AFAP1: variants seen among roughly 807,000 people sequenced by gnomAD.
AFAP1 encodes actin filament-associated protein 1.
Under a neutral mutation model 93.9 loss-of-function variants are expected in AFAP1, and 75 were observed. That is an observed-to-expected ratio of 0.80 (90% CI 0.66 to 0.97). AFAP1 has a LOEUF of 0.97. Among genes scored for constraint, AFAP1 ranks in the 50% least tolerant of loss-of-function variants. AFAP1 has a pLI of 0.00. For synonymous variants in AFAP1, 517 were observed against 430.7 expected (o/e 1.20, Z -2.48); for missense variants, 1,201 against 1,050.8 (o/e 1.14, Z -1.98).
chr4:7,860,064 G>T (rs569547248), intron 3 of AFAP1, among the ~76,000 whole-genome samples: 2 of 152,166 alleles, frequency 1.3e-5, no homozygotes, highest in South Asian at 4.2e-4. Flanking sequence ...GACTGCTCGA[G>T]CCCGGGAAGT....
chr4:7,860,957 G>A (rs990769932), intron 3 of AFAP1, among the ~76,000 whole-genome samples: 4 of 152,042 alleles, frequency 2.6e-5, no homozygotes, highest in African/African-American at 7.2e-5. Flanking sequence ...CTGGCACTCC[G>A]CCCTCTGTCT....
At chr4:7,936,578 G>A (rs1252554176) in intron 1 of AFAP1, among the ~76,000 whole-genome samples, 5 of 142,538 alleles carry the variant, frequency 3.5e-5, no homozygotes, top group East Asian at 2.4e-4. Context: ...TTTTACAAGC[G>A]GTAATTTTTT....
intron 1 of AFAP1, among the ~76,000 whole-genome samples, chr4:7,903,026 C>T (rs943526041): frequency 1.3e-5 from 2 of 152,232 alleles, no homozygotes; most frequent in African/African-American, 4.8e-5. Context: ...ATCTGCGCCA[C>T]CTCCCTCCAG....
At chr4:7,833,686 T>C (rs1560187579) in intron 6 of AFAP1, among the ~76,000 whole-genome samples, 1 of 151,016 alleles carries the variant, frequency 6.6e-6, no homozygotes, top group Non-Finnish European at 1.5e-5. Context: ...CCTCTCAGGT[T>C]CAAGCAATTC....
At chr4:7,787,118 T>C (rs897996485) in intron 11 of AFAP1, among the ~76,000 whole-genome samples, 4 of 152,038 alleles carry the variant, frequency 2.6e-5, no homozygotes, top group African/African-American at 7.2e-5. Flanking sequence ...ACATGAAGAG[T>C]AGGATGAGAG....
At chr4:7,877,480 T>C (rs752578759) in intron 1 of AFAP1, among the ~76,000 whole-genome samples, 3 of 152,236 alleles carry the variant, frequency 2.0e-5, no homozygotes, top group Non-Finnish European at 4.4e-5. Flanking sequence ...GCCTGTTACA[T>C]ATATGAACTC....
At chr4:7,859,647 T>A (rs1399616643) in intron 3 of AFAP1, among the ~76,000 whole-genome samples, 1 of 152,198 alleles carries the variant, frequency 6.6e-6, no homozygotes, top group East Asian at 1.9e-4. Flanking sequence ...ACTTTTAGTT[T>A]AGAAGATCTT....
rs745572497 is a variant in AFAP1, at chr4:7,809,664, G to A, written c.1004C>T (p.Pro335Leu). ...TGAGGAGGTCTGCTCGTCTGTGGAC[G>A]GCTTTTTCTTTCCCAGACTGATGAT... ...TKIISLGKKK[P>L]STDEQTSSAE... The change falls in exon 9 of 18, where the codon CCG becomes CTG. Residue 335 changes from proline to leucine, a missense_variant. Physicochemically the swap from Pro to Leu is moderately conservative, Grantham distance 98. Coordinates refer to ENST00000420658, the MANE Select transcript of AFAP1 (RefSeq NM_001134647.2). 2.9e-5 allele frequency: 46 copies of A among 1,613,916 alleles called. No homozygotes were observed. Among genetic ancestry groups the A allele is most frequent in the Non-Finnish European group, 3.6e-5 (42 of 1,179,998 alleles).
intron 6 of AFAP1, among the ~76,000 whole-genome samples, chr4:7,830,882 T>C (rs1341748534): frequency 6.6e-6 from 1 of 152,196 alleles, no homozygotes; most frequent in African/African-American, 2.4e-5. Context: ...GCACTGGGAT[T>C]ACAGAAGTGA....
chr4:7,787,139 G>C (rs1320547524), intron 11 of AFAP1, among the ~76,000 whole-genome samples: 1 of 152,248 alleles, frequency 6.6e-6, no homozygotes, highest in East Asian at 1.9e-4. Context: ...CTGGTTGCCA[G>C]GGAAACCAAC....
At chr4:7,796,695 G>C (rs2149018448) in intron 10 of AFAP1, among the ~76,000 whole-genome samples, 2 of 147,310 alleles carry the variant, frequency 1.4e-5, no homozygotes, top group East Asian at 4.2e-4. Flanking sequence ...AGCTTGCAGT[G>C]AGCTGAGATC....
chr4:7,883,355 A>C (rs536931383), intron 1 of AFAP1, among the ~76,000 whole-genome samples: 1 of 152,274 alleles, frequency 6.6e-6, no homozygotes, highest in East Asian at 1.9e-4. Context: ...AAGTCAATAC[A>C]CTTGGAATTG....
intron 6 of AFAP1, among the ~76,000 whole-genome samples, chr4:7,820,272 G>A (rs1387432519): frequency 6.6e-6 from 1 of 152,292 alleles, no homozygotes; most frequent in Admixed American, 6.5e-5. Flanking sequence ...TTTACTCAGA[G>A]GAAGACTGGA....
intron 9 of AFAP1, among the ~76,000 whole-genome samples, chr4:7,802,804 C>T (rs1053924777): frequency 3.3e-5 from 5 of 152,070 alleles, no homozygotes; most frequent in Admixed American, 2.0e-4. Context: ...CGCCCGCCAC[C>T]ACACCTGGCT....
At chr4:7,779,893 C>T (rs924325546) in intron 13 of AFAP1, among the ~76,000 whole-genome samples, 1 of 152,088 alleles carries the variant, frequency 6.6e-6, no homozygotes, top group Non-Finnish European at 1.5e-5. Flanking sequence ...ACAGGAAACC[C>T]AGAGGTCATG....
At chr4:7,866,737 T>C (rs906015245) in intron 3 of AFAP1, among the ~76,000 whole-genome samples, 16 of 151,986 alleles carry the variant, frequency 1.1e-4, no homozygotes, top group Admixed American at 9.8e-4. Context: ...TCACATTATA[T>C]CTAAAAACAG....
intron 8 of AFAP1, 84 bp downstream of exon 8, chr4:7,815,930 ACAAT>A: frequency 8.3e-7 from 1 of 1,203,906 alleles, no homozygotes; most frequent in Non-Finnish European, 1.2e-6. Flanking sequence ...CATTTTTCGT[ACAAT>A]CAGACTTTAC....
chr4:7,812,711 C>T (rs561924329), intron 8 of AFAP1, among the ~76,000 whole-genome samples: 3 of 152,178 alleles, frequency 2.0e-5, no homozygotes, highest in African/African-American at 7.2e-5. Flanking sequence ...AGACTAACGC[C>T]GGGCATTCTC....
intron 1 of AFAP1, among the ~76,000 whole-genome samples, chr4:7,911,904 G>C (rs1416199649): frequency 6.6e-6 from 1 of 152,222 alleles, no homozygotes; most frequent in Non-Finnish European, 1.5e-5. Context: ...GTTTTGGAAA[G>C]ATTGTTCCAA....
Sources: gnomAD v4.1 joint callset for allele counts (sites outside exome capture counted in the v4.1 genomes callset) on GRCh38, gnomAD v4.1.1 for gene constraint, MANE v1.5 for transcripts, NCBI Gene and HGNC (gene_info 2026-07-23, HGNC 2026-07-21) for gene names.